The following PSTPIP2 variants were observed in gnomAD, a reference collection of about 807,000 sequenced individuals.
PSTPIP2 encodes proline-serine-threonine phosphatase interacting protein 2.
A neutral mutation model predicts 63.3 loss-of-function variants in PSTPIP2; 33 were observed. The observed-to-expected ratio is 0.52, with a 90% CI of 0.40 to 0.70. PSTPIP2 has a LOEUF of 0.70. Ranked by LOEUF, PSTPIP2 falls within the 30% of genes least tolerant of loss-of-function variation. The pLI is 0.00. For synonymous variants in PSTPIP2, 125 were observed against 132.7 expected (o/e 0.94, Z 0.40); for missense variants, 312 against 400.7 (o/e 0.78, Z 1.89).
intron 3 of PSTPIP2, among the ~76,000 whole-genome samples, chr18:46,022,527 A>C (rs1022648645): frequency 6.6e-6 from 1 of 152,168 alleles, no homozygotes; most frequent in Non-Finnish European, 1.5e-5. Context: ...GGAATCTAGA[A>C]ATTTCCAAAT....
At chr18:46,043,603 A>G (rs1455383858) in intron 1 of PSTPIP2, among the ~76,000 whole-genome samples, 1 of 152,232 alleles carries the variant, frequency 6.6e-6, no homozygotes, top group Non-Finnish European at 1.5e-5. Flanking sequence ...GAACAAGGCA[A>G]CGATGTCTGC....
intron 1 of PSTPIP2, among the ~76,000 whole-genome samples, chr18:46,053,411 G>A (rs928756136): frequency 5.9e-5 from 9 of 152,102 alleles, no homozygotes; most frequent in Non-Finnish European, 1.3e-4. Flanking sequence ...TTTTAGAAGC[G>A]ACTTACAGGA....
chr18:46,014,837 C>A (rs1437957374), intron 4 of PSTPIP2, among the ~76,000 whole-genome samples: 2 of 152,140 alleles, frequency 1.3e-5, no homozygotes, highest in African/African-American at 4.8e-5. Context: ...ACTAAGTAGG[C>A]AACAGGATGT....
intron 2 of PSTPIP2, chr18:46,029,201 G>A (rs1599727201): frequency 1.9e-6 from 2 of 1,058,350 alleles, no homozygotes; most frequent in South Asian, 1.3e-5. Context: ...ATTAATTCCT[G>A]TGCATCAAGT....
At chr18:46,001,970 C>T (rs9958381) in intron 6 of PSTPIP2, among the ~76,000 whole-genome samples, 9,455 of 152,228 alleles carry the variant, frequency 0.062, 548 homozygotes, top group African/African-American at 0.15. Flanking sequence ...ATCATGCTAT[C>T]ATCCCCTTCA....
chr18:46,043,578 C>T (rs1302092219), intron 1 of PSTPIP2, among the ~76,000 whole-genome samples: 2 of 152,166 alleles, frequency 1.3e-5, no homozygotes, highest in Non-Finnish European at 2.9e-5. Context: ...CAGAATACTT[C>T]CTTCCTAAGA....
chr18:45,997,706 CACCCACCCACCCCA>C, intron 9 of PSTPIP2, 29 bp downstream of exon 9: 1 of 329,764 alleles, frequency 3.0e-6, no homozygotes, highest in Non-Finnish European at 5.8e-6. Context: ...CACACACCCC[CACCCACCCACCCCA>C]GTCCTGAGCA....
At chr18:46,018,295 G>C (rs1188423703) in intron 3 of PSTPIP2, among the ~76,000 whole-genome samples, 1 of 152,134 alleles carries the variant, frequency 6.6e-6, no homozygotes, top group African/African-American at 2.4e-5. Context: ...GTACTTTGGA[G>C]CTCCAAATCT....
At position 46,024,687 on chromosome 18, in the gene PSTPIP2, C is replaced by T. The variant is rs375406216; in HGVS notation, c.135-1G>A. The T allele has an allele frequency of 2.5e-6, 4 of 1,612,728 alleles. No homozygotes were observed. The highest frequency in any genetic ancestry group is 3.4e-6 in the Non-Finnish European group (4 of 1,178,902). ...GCCATACCTCTCTTCAATTGCTGCC[C>T]TAGGGGAACAGAAGAGAGGGTTATG... is the stretch of plus-strand genomic sequence containing the variant. On this transcript the variant is annotated splice_acceptor_variant, in intron 2 of 14. Coordinates refer to ENST00000409746, the MANE Select transcript of PSTPIP2 (RefSeq NM_024430.4). LOFTEE classifies it high-confidence loss of function.
At chr18:46,062,547 C>T (rs1426045828) in intron 1 of PSTPIP2, among the ~76,000 whole-genome samples, 4 of 150,930 alleles carry the variant, frequency 2.7e-5, no homozygotes, top group South Asian at 2.1e-4. Context: ...TTTTTGGAGA[C>T]GGAGTCTCGC....
At chr18:46,003,029 T>C (rs2051684568) in intron 6 of PSTPIP2, among the ~76,000 whole-genome samples, 1 of 152,182 alleles carries the variant, frequency 6.6e-6, no homozygotes, top group South Asian at 2.1e-4. Flanking sequence ...TTTAGCTAGC[T>C]TCCTCAGGAC....
At chr18:46,072,082 C>T (rs1021476556) in intron 1 of PSTPIP2, 74 bp downstream of exon 1, 10 of 1,497,428 alleles carry the variant, frequency 6.7e-6, no homozygotes, top group East Asian at 2.9e-5. Flanking sequence ...GGGAGCCCCC[C>T]ACGCCCGCCG....
rs549028783 is a variant in PSTPIP2, at chr18:46,068,462, T to G, written c.33+3694A>C. On this transcript the variant is annotated intron_variant, in intron 1 of 14. Transcript: ENST00000409746. ...ACAGGCGCCCACCACCATGCCCGGG[T>G]AATTTTTTTGTATTTTTAGTAGAGA... Among the ~76,000 whole-genome samples the G allele has an allele frequency of 7.9e-5, 12 of 152,020 alleles. No individual in the cohort carries two copies. In the East Asian group the frequency reaches 2.3e-3, roughly 30 times the overall value.
chr18:45,995,112 G>A (rs944380501), intron 9 of PSTPIP2, among the ~76,000 whole-genome samples: 2 of 151,872 alleles, frequency 1.3e-5, no homozygotes, highest in Admixed American at 1.3e-4. Flanking sequence ...GGTTTTGGGG[G>A]GTTTTATTTT....
chr18:46,026,834 A>T (rs1206924169), intron 2 of PSTPIP2, among the ~76,000 whole-genome samples: 2 of 152,172 alleles, frequency 1.3e-5, no homozygotes, highest in Admixed American at 1.3e-4. Flanking sequence ...GCTGCAGCGC[A>T]CTATGATAGG....
chr18:46,006,404 T>C (rs2051728200), intron 5 of PSTPIP2, among the ~76,000 whole-genome samples: 1 of 122,092 alleles, frequency 8.2e-6, no homozygotes, highest in African/African-American at 3.2e-5. Flanking sequence ...CAGAGTTTGC[T>C]CTTAATGCCC....
Position 46,000,192 on chromosome 18 carries a change from C to T in PSTPIP2, c.418-658G>A, listed in dbSNP as rs111274725. Among the ~76,000 whole-genome samples the T allele has an allele frequency of 3.6e-3, 541 of 152,162 alleles. 5 individuals carry two copies. The highest frequency in any genetic ancestry group is 0.014 in the Middle Eastern group (4 of 294). On this transcript the variant is annotated intron_variant, in intron 6 of 14. Transcript: ENST00000409746. ...TTAAAATAGTTACGTAACTCTAAAA[C>T]GTGTGGTCTAAAATTTATGAAACAT...
chr18:46,018,207 T>C (rs2051872063), intron 3 of PSTPIP2, among the ~76,000 whole-genome samples: 1 of 152,148 alleles, frequency 6.6e-6, no homozygotes, highest in South Asian at 2.1e-4. Flanking sequence ...CTGCTATTTA[T>C]TGCTTCTGTT....
intron 6 of PSTPIP2, among the ~76,000 whole-genome samples, chr18:46,003,473 G>C (rs906480248): frequency 1.3e-5 from 2 of 152,164 alleles, no homozygotes; most frequent in Admixed American, 1.3e-4. Flanking sequence ...CGTGGTGTTT[G>C]GCTGCAGTAG....
Sources: gnomAD v4.1 joint callset for allele counts (sites outside exome capture counted in the v4.1 genomes callset) on GRCh38, gnomAD v4.1.1 for gene constraint, MANE v1.5 for transcripts, NCBI Gene and HGNC (gene_info 2026-07-23, HGNC 2026-07-21) for gene names.